The following PTPRD variants were observed in gnomAD, a reference collection of about 807,000 sequenced individuals.
PTPRD encodes protein tyrosine phosphatase receptor type D.
PTPRD carries 34 observed loss-of-function variants against 214.5 expected under a neutral mutation model. That is an observed-to-expected ratio of 0.16 (90% CI 0.12 to 0.21). PTPRD has a LOEUF of 0.21. Among genes scored for constraint, PTPRD ranks in the 10% least tolerant of loss-of-function variants. The pLI is 1.00. For missense variants in PTPRD, 2,545 were observed against 2,398.7 expected, an observed-to-expected ratio of 1.06 and a Z score of -1.27; for synonymous variants, 1,128 against 845.7, an observed-to-expected ratio of 1.33 and a Z score of -5.79.
intron 36 of PTPRD, among the ~76,000 whole-genome samples, chr9:8,391,519 A>G (rs1192870331): frequency 1.3e-5 from 2 of 152,154 alleles, no homozygotes; most frequent in Non-Finnish European, 2.9e-5. Flanking sequence ...CAGGTTACAA[A>G]CACTGGGACG....
At chr9:8,918,271 G>C (rs1386133148) in intron 11 of PTPRD, among the ~76,000 whole-genome samples, 2 of 152,126 alleles carry the variant, frequency 1.3e-5, no homozygotes, top group African/African-American at 4.8e-5. Flanking sequence ...TCTTAAAATA[G>C]AGAGAAAGCA....
chr9:10,031,625 C>CATATATATATAT lies in PTPRD; in HGVS notation c.-472+2081_-472+2092dup, dbSNP rs1171466919. On this transcript the variant is annotated intron_variant, in intron 4 of 45. Coordinates refer to ENST00000381196, the MANE Select transcript of PTPRD (RefSeq NM_002839.4). ...TACATTAATAATACTTAAAAAACTC[C>CATATATATATAT]ATATATATATATATATATATATACA... is the stretch of plus-strand genomic sequence containing the variant. Among the ~76,000 whole-genome samples, 29 of 87,320 alleles carry CATATATATATAT rather than the reference C, an allele frequency of 3.3e-4. 1 individual carries two copies. The highest frequency in any genetic ancestry group is 1.2e-3 in the African/African-American group (14 of 11,774). 57.3% of individuals were successfully genotyped at this position (87,320 alleles called of 152,430 possible).
chr9:9,964,692 C>G (rs999128158), intron 4 of PTPRD, among the ~76,000 whole-genome samples: 4 of 152,032 alleles, frequency 2.6e-5, no homozygotes, highest in Non-Finnish European at 5.9e-5. Context: ...GGTTAGCAGG[C>G]TAAATGATAT....
At chr9:10,166,881 A>G (rs2099162356) in intron 3 of PTPRD, among the ~76,000 whole-genome samples, 1 of 152,118 alleles carries the variant, frequency 6.6e-6, no homozygotes, top group African/African-American at 2.4e-5. Flanking sequence ...TTTCTTTTAT[A>G]TCTTGTAGGT....
chr9:9,433,131 A>G (rs17829640), intron 8 of PTPRD, among the ~76,000 whole-genome samples: 59,018 of 152,058 alleles, frequency 0.39, 11,961 homozygotes, highest in Middle Eastern at 0.6. Flanking sequence ...AGAAAGTGGC[A>G]GAGAACCTTC....
At chr9:8,547,003 T>G (rs535359369) in intron 14 of PTPRD, among the ~76,000 whole-genome samples, 39 of 152,336 alleles carry the variant, frequency 2.6e-4, no homozygotes, top group African/African-American at 9.1e-4. Context: ...CCTGTCTTAC[T>G]ACAAAATTTT....
chr9:8,397,259 A>G (rs1474126121), intron 36 of PTPRD, among the ~76,000 whole-genome samples: 1 of 152,134 alleles, frequency 6.6e-6, no homozygotes, highest in Non-Finnish European at 1.5e-5. Context: ...AGAGGGAGAG[A>G]AATCCGGAGG....
At chr9:10,323,575 G>C (rs12000957) in intron 3 of PTPRD, among the ~76,000 whole-genome samples, 44,360 of 151,138 alleles carry the variant, frequency 0.29, 8,057 homozygotes, top group African/African-American at 0.51. Flanking sequence ...CAAAGTAACT[G>C]CAACTCTTTC....
intron 3 of PTPRD, among the ~76,000 whole-genome samples, chr9:10,298,382 T>A (rs1490583115): frequency 7.0e-6 from 1 of 142,984 alleles, no homozygotes; most frequent in Non-Finnish European, 1.5e-5. Context: ...TGGTTCCAAT[T>A]ATAGTACGAT....
At chr9:9,478,062 C>G (rs909168172) in intron 8 of PTPRD, among the ~76,000 whole-genome samples, 8 of 152,078 alleles carry the variant, frequency 5.3e-5, no homozygotes, top group Admixed American at 5.2e-4. Context: ...AATTTGTGGT[C>G]TATGAGGTTA....
At chr9:8,501,982 T>C (rs13298803) in intron 23 of PTPRD, among the ~76,000 whole-genome samples, 16,049 of 152,124 alleles carry the variant, frequency 0.11, 901 homozygotes, top group East Asian at 0.17. Context: ...AAAACCCAAG[T>C]ATCAACTGGA....
At chr9:9,712,267 A>G (rs2097751559) in intron 7 of PTPRD, among the ~76,000 whole-genome samples, 1 of 152,202 alleles carries the variant, frequency 6.6e-6, no homozygotes, top group Non-Finnish European at 1.5e-5. Context: ...TTTTTAAAAG[A>G]ATTCGGTAAT....
At chr9:10,171,776 G>T (rs916658117) in intron 3 of PTPRD, among the ~76,000 whole-genome samples, 1 of 152,118 alleles carries the variant, frequency 6.6e-6, no homozygotes, top group Non-Finnish European at 1.5e-5. Context: ...ACCCGCCGTG[G>T]CCTCCCAAAG....
rs181063121 is a variant in PTPRD at position 9,831,092 on chromosome 9, G to A, written c.-367-64241C>T. Among the ~76,000 whole-genome samples, 1,487 of 151,954 alleles carry A rather than the reference G, an allele frequency of 9.8e-3. 12 individuals carry two copies. Among genetic ancestry groups the A allele is most frequent in the Non-Finnish European group, 0.015 (1,009 of 67,884 alleles). ...ATTTATTATAGCCTATGGTCACCCA[G>A]TAGAAGCAAAGCTTCAGGGTGTAGC... On this transcript the variant is annotated intron_variant, in intron 5 of 45. Coordinates refer to ENST00000381196, the MANE Select transcript of PTPRD (RefSeq NM_002839.4).
intron 11 of PTPRD, among the ~76,000 whole-genome samples, chr9:8,791,408 T>C (rs551719839): frequency 2.0e-5 from 3 of 151,784 alleles, no homozygotes; most frequent in African/African-American, 4.8e-5. Context: ...GTATTTTTAG[T>C]AGAGACATGG....
intron 2 of PTPRD, among the ~76,000 whole-genome samples, chr9:10,490,167 G>A (rs10118362): frequency 1.3e-5 from 2 of 152,230 alleles, no homozygotes; most frequent in African/African-American, 4.8e-5. Flanking sequence ...CTTTTGGAGG[G>A]ATATAGTTAT....
intron 38 of PTPRD, among the ~76,000 whole-genome samples, 198 bp downstream of exon 38, chr9:8,376,409 G>A (rs2083265193): frequency 6.6e-6 from 1 of 152,048 alleles, no homozygotes; most frequent in East Asian, 1.9e-4. Context: ...TTCATTTGGA[G>A]CAAGAGTTTT....
chr9:9,578,403 T>C (rs1368592018), intron 7 of PTPRD, among the ~76,000 whole-genome samples: 2 of 152,138 alleles, frequency 1.3e-5, no homozygotes, highest in Non-Finnish European at 2.9e-5. Flanking sequence ...GCATCTTAGA[T>C]GGTGATTTCT....
chr9:9,473,120 C>T (rs949931390), intron 8 of PTPRD, among the ~76,000 whole-genome samples: 1 of 152,146 alleles, frequency 6.6e-6, no homozygotes, highest in Non-Finnish European at 1.5e-5. Context: ...TTATCTTCCC[C>T]TCTCCCTACA....
Sources: gnomAD v4.1 joint callset for allele counts (sites outside exome capture counted in the v4.1 genomes callset) on GRCh38, gnomAD v4.1.1 for gene constraint, MANE v1.5 for transcripts, NCBI Gene and HGNC (gene_info 2026-07-23, HGNC 2026-07-21) for gene names.